FBLN2: variants seen among roughly 807,000 people sequenced by gnomAD.
The protein encoded by FBLN2 is fibulin 2.
In FBLN2, 81 loss-of-function variants were observed where a neutral mutation model predicts 123.7. The ratio of observed to expected loss-of-function variants is 0.65; its 90% CI spans 0.55 to 0.79. The LOEUF is 0.79. FBLN2 is among the 30% of genes least tolerant of loss of function. The pLI is 0.00. For synonymous variants in FBLN2, 699 were observed against 701.4 expected, an observed-to-expected ratio of 1.00 and a Z score of 0.05; for missense variants, 1,603 against 1,681.3, an observed-to-expected ratio of 0.95 and a Z score of 0.81.
chr3:13,636,442 C>G lies in FBLN2; in HGVS notation c.3215-3C>G. ...CCCTGCCATTGCCCCTCTTCTCCCC[C>G]AGACGTGGATGAGTGTGCACTGGGT... On this transcript the variant is annotated splice_polypyrimidine_tract_variant and splice_region_variant and intron_variant, in intron 16 of 17. Coordinates refer to ENST00000404922, the MANE Select transcript of FBLN2 (RefSeq NM_001004019.2). 1.9e-6 allele frequency: 3 copies of G among 1,613,528 alleles called. No homozygotes were observed. The highest frequency in any genetic ancestry group is 1.1e-5 in the South Asian group (1 of 90,968).
intron 2 of FBLN2, among the ~76,000 whole-genome samples, chr3:13,588,331 C>G (rs1488214527): frequency 3.3e-5 from 5 of 152,208 alleles, no homozygotes; most frequent in African/African-American, 1.2e-4. Context: ...ACTCTTATGT[C>G]CTCACACGAT....
At chr3:13,594,376 T>C (rs887852348) in intron 2 of FBLN2, among the ~76,000 whole-genome samples, 1 of 151,612 alleles carries the variant, frequency 6.6e-6, no homozygotes, top group African/African-American at 2.4e-5. Flanking sequence ...TGTGATGGGC[T>C]TCTTTCTGGG....
chr3:13,581,570 C>T (rs943583876), intron 2 of FBLN2, among the ~76,000 whole-genome samples: 1 of 152,186 alleles, frequency 6.6e-6, no homozygotes, highest in Non-Finnish European at 1.5e-5. Flanking sequence ...AGGGCCGCTG[C>T]TTTTGCCACA....
chr3:13,615,905 A>G (rs79427986), intron 5 of FBLN2, among the ~76,000 whole-genome samples: 88 of 152,336 alleles, frequency 5.8e-4, no homozygotes, highest in Non-Finnish European at 7.2e-4. Context: ...CTCTGTCACT[A>G]TAATGCAAGA....
At chr3:13,614,635 T>TATCCATCCATCCATCCATCC (rs375890094) in intron 5 of FBLN2, among the ~76,000 whole-genome samples, 9 of 131,794 alleles carry the variant, frequency 6.8e-5, no homozygotes, top group African/African-American at 9.0e-5. Flanking sequence ...CCCACCCAAT[T>TATCCATCCATCCATCCATCC]ATCCATCCAT....
chr3:13,592,662 G>T lies in FBLN2; in HGVS notation c.1307-15400G>T, dbSNP rs73814605. Among the ~76,000 whole-genome samples the T allele has an allele frequency of 1.1e-3, 162 of 152,238 alleles. 1 individual carries two copies. Among genetic ancestry groups the T allele is most frequent in the African/African-American group, 3.9e-3 (161 of 41,540 alleles). ...TCAGGTTGTTTTTATTTTCTTTTGG[G>T]AGTGTTTTGTCATTTTTAGTGTAGA... On this transcript the variant is annotated intron_variant, in intron 2 of 17. Coordinates refer to ENST00000404922, the MANE Select transcript of FBLN2 (RefSeq NM_001004019.2).
intron 1 of FBLN2, among the ~76,000 whole-genome samples, chr3:13,549,747 A>G (rs1703272894): frequency 6.6e-6 from 1 of 151,496 alleles, no homozygotes; most frequent in Non-Finnish European, 1.5e-5. Flanking sequence ...CACGCTCTGC[A>G]TTGGCGCGCC....
At chr3:13,633,275 CTCT>C (rs1258823827) in intron 16 of FBLN2, among the ~76,000 whole-genome samples, 1 of 152,278 alleles carries the variant, frequency 6.6e-6, no homozygotes, top group Non-Finnish European at 1.5e-5. Flanking sequence ...TCTCTGCATC[CTCT>C]TCTTGGGGTG....
At chr3:13,629,664 C>G (rs1706184180) in intron 13 of FBLN2, among the ~76,000 whole-genome samples, 156 bp from the exon 14 acceptor site, 1 of 152,234 alleles carries the variant, frequency 6.6e-6, no homozygotes, top group Admixed American at 6.5e-5. Flanking sequence ...CACCTGGTCT[C>G]TTTGCCTCTC....
At chr3:13,605,600 C>A (rs887252720) in intron 2 of FBLN2, among the ~76,000 whole-genome samples, 7 of 152,180 alleles carry the variant, frequency 4.6e-5, no homozygotes, top group South Asian at 4.1e-4. Context: ...CATCCTCCCC[C>A]CCAGTGATGG....
At chr3:13,564,161 T>C (rs1186372553) in intron 1 of FBLN2, among the ~76,000 whole-genome samples, 2 of 152,198 alleles carry the variant, frequency 1.3e-5, no homozygotes, top group Non-Finnish European at 2.9e-5. Context: ...CATCTGTGTG[T>C]GAACAGGCTG....
At chr3:13,637,190 T>A (rs568152416) in intron 17 of FBLN2, among the ~76,000 whole-genome samples, 1 of 151,222 alleles carries the variant, frequency 6.6e-6, no homozygotes, top group Non-Finnish European at 1.5e-5. Context: ...GGAGGGACAC[T>A]GGGTGCACTG....
chr3:13,550,981 ACAAGGT>A (rs1293550557), intron 1 of FBLN2, among the ~76,000 whole-genome samples: 3 of 152,202 alleles, frequency 2.0e-5, no homozygotes, highest in Non-Finnish European at 2.9e-5. Flanking sequence ...TTGAAAAGTC[ACAAGGT>A]CTGGTAGTTC....
chr3:13,558,594 C>T lies in FBLN2; in HGVS notation c.-42+9386C>T, dbSNP rs1453809981. Among the ~76,000 whole-genome samples, 6 of 152,198 alleles carry T rather than the reference C, an allele frequency of 3.9e-5. No individual in the cohort carries two copies. The East Asian group carries it at 1.2e-3, about 29-fold the overall frequency. Reference sequence around the variant, plus strand: ...ATTCATCCCATCCTCTCTGCCAGCCCTGTGCTCGGGCCATACGGATTAATT... The same window carrying T: ...ATTCATCCCATCCTCTCTGCCAGCCTTGTGCTCGGGCCATACGGATTAATT... On this transcript the variant is annotated intron_variant, in intron 1 of 17. Coordinates refer to ENST00000404922, the MANE Select transcript of FBLN2 (RefSeq NM_001004019.2).
intron 2 of FBLN2, among the ~76,000 whole-genome samples, chr3:13,606,048 C>T (rs1227164778): frequency 6.6e-6 from 1 of 152,180 alleles, no homozygotes; most frequent in East Asian, 1.9e-4. Context: ...CATCCTCCCA[C>T]CCCAGCTTCC....
chr3:13,637,482 T>G (rs1327158048), intron 17 of FBLN2, 80 bp from the exon 18 acceptor site: 30 of 1,318,602 alleles, frequency 2.3e-5, no homozygotes, highest in Non-Finnish European at 2.9e-5. Context: ...ATCCTGCCGC[T>G]GAGCTGTGCC....
intron 4 of FBLN2, among the ~76,000 whole-genome samples, chr3:13,611,066 C>G (rs1705376973): frequency 6.6e-6 from 1 of 152,100 alleles, no homozygotes; most frequent in East Asian, 1.9e-4. Context: ...GCCACTACGC[C>G]CAGCTAATTT....
At chr3:13,591,589 A>G (rs1704676920) in intron 2 of FBLN2, among the ~76,000 whole-genome samples, 1 of 152,150 alleles carries the variant, frequency 6.6e-6, no homozygotes, top group African/African-American at 2.4e-5. Flanking sequence ...CACCCGGCCA[A>G]TGTTTTCTGG....
chr3:13,615,888 C>G (rs1456360174), intron 5 of FBLN2, among the ~76,000 whole-genome samples: 1 of 152,218 alleles, frequency 6.6e-6, no homozygotes, highest in Non-Finnish European at 1.5e-5. Context: ...TTCCGATTGA[C>G]CCAGATCTCT....
Sources: gnomAD v4.1 joint callset for allele counts (sites outside exome capture counted in the v4.1 genomes callset) on GRCh38, gnomAD v4.1.1 for gene constraint, MANE v1.5 for transcripts, NCBI Gene and HGNC (gene_info 2026-07-23, HGNC 2026-07-21) for gene names.